Variants in KCNH5 observed in about 807,000 individuals in gnomAD.
KCNH5 encodes potassium voltage-gated channel subfamily H member 5, also known as voltage-gated delayed rectifier potassium channel KCNH5.
A neutral mutation model predicts 96.1 loss-of-function variants in KCNH5; 46 were observed. The observed-to-expected ratio is 0.48, with a 90% CI of 0.38 to 0.61. The LOEUF is 0.61. Ranked by LOEUF, KCNH5 falls within the 20% of genes least tolerant of loss-of-function variation. The pLI is 0.00. For missense variants in KCNH5, 907 were observed against 1,225.8 expected (o/e 0.74, Z 3.88); for synonymous variants, 439 against 449.8 (o/e 0.98, Z 0.30).
At chr14:62,824,574 A>C (rs1887181297) in intron 8 of KCNH5, among the ~76,000 whole-genome samples, 1 of 152,126 alleles carries the variant, frequency 6.6e-6, no homozygotes, top group Non-Finnish European at 1.5e-5. Context: ...TTAATTTAAA[A>C]GTCCACAATT....
intron 7 of KCNH5, among the ~76,000 whole-genome samples, chr14:62,932,501 C>T (rs969930974): frequency 1.4e-5 from 2 of 141,534 alleles, no homozygotes; most frequent in African/African-American, 2.6e-5. Flanking sequence ...ACTAAAAAAC[C>T]AATCCAGGAG....
Position 63,012,610 on chromosome 14 carries a change from G to A in KCNH5, c.197+4221C>T, listed in dbSNP as rs149858013. On this transcript the variant is annotated intron_variant, in intron 2 of 10. Coordinates refer to ENST00000322893, the MANE Select transcript of KCNH5 (RefSeq NM_139318.5). Reference sequence around the variant, plus strand: ...AGGGCCACAAGAAGATGTGTAGGACGATTCTTATTTCCAAGTTGTTTGAGG... The same window carrying A: ...AGGGCCACAAGAAGATGTGTAGGACAATTCTTATTTCCAAGTTGTTTGAGG... Among the ~76,000 whole-genome samples, 251 of 152,112 alleles carry A rather than the reference G, an allele frequency of 1.7e-3. 1 individual carries two copies. The highest frequency in any genetic ancestry group is 5.8e-3 in the African/African-American group (239 of 41,516).
At chr14:63,018,048 A>G (rs1891358296) in intron 1 of KCNH5, among the ~76,000 whole-genome samples, 1 of 152,018 alleles carries the variant, frequency 6.6e-6, no homozygotes. Context: ...TAACAACAAA[A>G]TACAACTGCC....
At chr14:62,861,637 TACACACACACACACACACACAC>T (rs142699720) in intron 7 of KCNH5, among the ~76,000 whole-genome samples, 1 of 141,828 alleles carries the variant, frequency 7.1e-6, no homozygotes, top group South Asian at 2.3e-4. Flanking sequence ...CATCTCCATT[TACACACACACACACACACACAC>T]ACACACACAC....
intron 10 of KCNH5, among the ~76,000 whole-genome samples, chr14:62,755,943 T>C (rs974967045): frequency 2.6e-5 from 4 of 151,836 alleles, no homozygotes; most frequent in South Asian, 2.1e-4. Context: ...AAATTGGGCA[T>C]AGAAGGAATA....
chr14:62,707,507 A>G lies in KCNH5; in HGVS notation c.*1T>C. The G allele has an allele frequency of 7.1e-7, 1 of 1,404,030 alleles. No individual in the cohort carries two copies. Among genetic ancestry groups the G allele is most frequent in the Non-Finnish European group, 9.5e-7 (1 of 1,058,174 alleles). 87.0% of individuals were successfully genotyped at this position (1,404,030 alleles called of 1,614,324 possible). A position where few individuals can be genotyped will look rare whatever the true frequency, so the allele number is the denominator to read the frequency against. ...TATTAACAAATATATATGTATATAT[A>G]TTAAAAGTGGATTTCATCTTTGTCA... On this transcript the variant is annotated 3_prime_UTR_variant, in exon 11 of 11. Transcript: ENST00000322893.
Position 62,700,960 on chromosome 14 carries a change from G to A in KCNH5, c.*6548C>T, listed in dbSNP as rs907578587. 22 of 152,168 alleles carry A rather than the reference G, an allele frequency of 1.4e-4. No individual in the cohort carries two copies. Among genetic ancestry groups the A allele is most frequent in the African/African-American group, 5.3e-4 (22 of 41,448 alleles). The allele number at this position is 152,168 out of a possible 1,614,324, so 9.4% of individuals were successfully genotyped here. On this transcript the variant is annotated 3_prime_UTR_variant, in exon 11 of 11. Transcript: ENST00000322893. ...ATTTTATATTATGAAATATGATTTA[G>A]CAGAGAATGGGGATAAAATTACTTA...
chr14:62,979,344 G>C (rs10131255), intron 6 of KCNH5, among the ~76,000 whole-genome samples: 4,005 of 151,904 alleles, frequency 0.026, 118 homozygotes, highest in East Asian at 0.15. Context: ...CTTGGAAAAT[G>C]AATTATTATG....
chr14:62,954,813 T>C (rs2140133845), intron 6 of KCNH5, among the ~76,000 whole-genome samples: 1 of 152,194 alleles, frequency 6.6e-6, no homozygotes, highest in African/African-American at 2.4e-5. Context: ...AAGGCACATC[T>C]TACATGGCAG....
At chr14:62,789,693 C>A (rs1371516871) in intron 9 of KCNH5, among the ~76,000 whole-genome samples, 3 of 151,814 alleles carry the variant, frequency 2.0e-5, no homozygotes, top group Non-Finnish European at 4.4e-5. Flanking sequence ...ATTTGAGCAC[C>A]TTTTCATATA....
chr14:62,993,455 C>T (rs1475764526), intron 4 of KCNH5, among the ~76,000 whole-genome samples: 1 of 151,980 alleles, frequency 6.6e-6, no homozygotes, highest in Non-Finnish European at 1.5e-5. Flanking sequence ...CTCCCATCCA[C>T]CTCCAGACTA....
At chr14:62,760,728 G>A (rs1364088101) in intron 10 of KCNH5, among the ~76,000 whole-genome samples, 2 of 152,200 alleles carry the variant, frequency 1.3e-5, no homozygotes, top group Non-Finnish European at 2.9e-5. Context: ...AGTGTCTCTG[G>A]CTACTCAGTA....
intron 7 of KCNH5, among the ~76,000 whole-genome samples, chr14:62,882,560 A>G (rs1055785354): frequency 5.3e-5 from 8 of 152,210 alleles, no homozygotes; most frequent in Non-Finnish European, 5.9e-5. Flanking sequence ...GAGTAGGACC[A>G]CATGCTTTTG....
chr14:63,041,894 A>G (rs1359765557), intron 1 of KCNH5, among the ~76,000 whole-genome samples: 1 of 152,172 alleles, frequency 6.6e-6, no homozygotes, highest in African/African-American at 2.4e-5. Flanking sequence ...CAGTGCTGGT[A>G]TTCTGGGAAA....
At position 62,958,165 on chromosome 14, in the gene KCNH5, G is replaced by T. The variant is rs1215890880; in HGVS notation, c.943-7606C>A. Reference sequence around the variant, plus strand: ...GTAAAGTAAGATTTAATATACAATTGTTGGGTGTTATTTATCTGTTATATT... The same window carrying T: ...GTAAAGTAAGATTTAATATACAATTTTTGGGTGTTATTTATCTGTTATATT... On this transcript the variant is annotated intron_variant, in intron 6 of 10. Transcript: ENST00000322893. Among the ~76,000 whole-genome samples the T allele has an allele frequency of 4.6e-5, 7 of 152,268 alleles. No homozygotes were observed. In the East Asian group the frequency reaches 7.7e-4, roughly 17 times the overall value.
At chr14:62,856,235 C>T (rs570355442) in intron 7 of KCNH5, among the ~76,000 whole-genome samples, 7 of 152,162 alleles carry the variant, frequency 4.6e-5, no homozygotes, top group Non-Finnish European at 8.8e-5. Context: ...AAAATGTGGT[C>T]CAGTTATTTC....
chr14:62,725,306 C>T (rs1278325985), intron 10 of KCNH5, among the ~76,000 whole-genome samples: 3 of 152,156 alleles, frequency 2.0e-5, no homozygotes, highest in Admixed American at 6.5e-5. Context: ...TCATATTCTA[C>T]TTATCTTTAG....
intron 8 of KCNH5, among the ~76,000 whole-genome samples, chr14:62,846,633 C>A (rs1887696520): frequency 6.6e-6 from 1 of 151,342 alleles, no homozygotes; most frequent in Non-Finnish European, 1.5e-5. Flanking sequence ...TATGTCAATT[C>A]CATCTTTACA....
chr14:62,928,364 G>T (rs1211944507), intron 7 of KCNH5, among the ~76,000 whole-genome samples: 1 of 152,058 alleles, frequency 6.6e-6, no homozygotes, highest in African/African-American at 2.4e-5. Flanking sequence ...TTCTTAATTA[G>T]TTGCAGGACC....
Sources: gnomAD v4.1 joint callset for allele counts (sites outside exome capture counted in the v4.1 genomes callset) on GRCh38, gnomAD v4.1.1 for gene constraint, MANE v1.5 for transcripts, NCBI Gene and HGNC (gene_info 2026-07-23, HGNC 2026-07-21) for gene names.